Variants in NOS1AP observed in about 807,000 individuals in gnomAD.
NOS1AP encodes carboxyl-terminal PDZ ligand of neuronal nitric oxide synthase protein.
A neutral mutation model predicts 56.2 loss-of-function variants in NOS1AP; 21 were observed. That is an observed-to-expected ratio of 0.37 (90% confidence interval 0.26 to 0.54). The LOEUF is 0.54. Ranked by LOEUF, NOS1AP falls within the 20% of genes least tolerant of loss-of-function variation. NOS1AP has a pLI of 0.84. For missense variants in NOS1AP, 522 were observed against 657.8 expected (o/e 0.79, Z 2.26); for synonymous variants, 270 against 274.6 (o/e 0.98, Z 0.17).
At chr1:162,355,971 A>T (rs1483964033) in intron 7 of NOS1AP, among the ~76,000 whole-genome samples, 1 of 152,194 alleles carries the variant, frequency 6.6e-6, no homozygotes, top group African/African-American at 2.4e-5. Context: ...AAAGCTAATT[A>T]AAAATGTTTT....
intron 4 of NOS1AP, among the ~76,000 whole-genome samples, chr1:162,301,050 A>C (rs1655635931): frequency 6.6e-6 from 1 of 152,226 alleles, no homozygotes; most frequent in African/African-American, 2.4e-5. Context: ...GGATTATTCC[A>C]TCACCCTATG....
chr1:162,341,213 G>A (rs1657096400), intron 5 of NOS1AP, among the ~76,000 whole-genome samples: 1 of 152,174 alleles, frequency 6.6e-6, no homozygotes, highest in Non-Finnish European at 1.5e-5. Context: ...CTGGTTAAAG[G>A]AAGTATCTGT....
chr1:162,356,950 TCTC>T lies in NOS1AP; in HGVS notation c.763-5_763-3del. 6.2e-7 allele frequency: 1 copy of T among 1,614,008 alleles called. No individual in the cohort carries two copies. ...CACATGTCATGTCCTGTCTTCTCCT[TCTC>T]CTCCAGGTTTCGCACCCCCAGGAGC... On this transcript the variant is annotated splice_region_variant and splice_polypyrimidine_tract_variant and intron_variant, in intron 7 of 9. Coordinates refer to ENST00000361897, the MANE Select transcript of NOS1AP (RefSeq NM_014697.3).
intron 1 of NOS1AP, among the ~76,000 whole-genome samples, chr1:162,118,344 A>G (rs561690967): frequency 3.9e-5 from 6 of 152,192 alleles, no homozygotes; most frequent in Non-Finnish European, 8.8e-5. Flanking sequence ...TATAAGCGAG[A>G]ACATGTAGTA....
chr1:162,324,616 T>C (rs1407327150), intron 4 of NOS1AP, among the ~76,000 whole-genome samples: 1 of 152,162 alleles, frequency 6.6e-6, no homozygotes, highest in East Asian at 1.9e-4. Context: ...ACTGCTGATG[T>C]AGGCCATGAG....
At chr1:162,221,514 A>G (rs1652770403) in intron 2 of NOS1AP, among the ~76,000 whole-genome samples, 1 of 117,166 alleles carries the variant, frequency 8.5e-6, no homozygotes, top group Admixed American at 1.0e-4. Flanking sequence ...AATGCAACAC[A>G]CACACGCACA....
intron 3 of NOS1AP, among the ~76,000 whole-genome samples, chr1:162,291,427 A>C (rs1655278157): frequency 6.6e-6 from 1 of 152,070 alleles, no homozygotes. Flanking sequence ...AATGAAGTCT[A>C]GTTTGTTACC....
chr1:162,220,965 C>G (rs900166203), intron 2 of NOS1AP, among the ~76,000 whole-genome samples: 11 of 152,094 alleles, frequency 7.2e-5, no homozygotes, highest in Admixed American at 2.6e-4. Flanking sequence ...TTTTTTGAGA[C>G]AGAGTCTCAC....
chr1:162,251,869 G>GTTTTTTTTTTTTTTTTTTT (rs57313228), intron 2 of NOS1AP, among the ~76,000 whole-genome samples: 11 of 82,124 alleles, frequency 1.3e-4, no homozygotes, highest in Non-Finnish European at 1.9e-4. Flanking sequence ...TTTTTTTTTT[G>GTTTTTTTTTTTTTTTTTTT]TTTTTTTTTT....
intron 1 of NOS1AP, among the ~76,000 whole-genome samples, chr1:162,083,291 C>T (rs942154831): frequency 3.9e-4 from 59 of 152,148 alleles, no homozygotes; most frequent in Admixed American, 4.6e-4. Context: ...TTTTATTGTT[C>T]TGCGGAGAGG....
intron 6 of NOS1AP, among the ~76,000 whole-genome samples, chr1:162,352,130 G>A (rs903435302): frequency 6.6e-6 from 1 of 151,904 alleles, no homozygotes; most frequent in Non-Finnish European, 1.5e-5. Context: ...CATGATCTCA[G>A]CTGACTGCAA....
At chr1:162,298,829 AG>A (rs1571201313) in intron 3 of NOS1AP, among the ~76,000 whole-genome samples, 2 of 152,250 alleles carry the variant, frequency 1.3e-5, no homozygotes, top group Admixed American at 1.3e-4. Context: ...ATGAAAAAGC[AG>A]AGTGTCAGCA....
At chr1:162,116,566 A>G (rs1647962342) in intron 1 of NOS1AP, among the ~76,000 whole-genome samples, 1 of 152,202 alleles carries the variant, frequency 6.6e-6, no homozygotes, top group Admixed American at 6.5e-5. Flanking sequence ...GTAGTTAAAT[A>G]TGATAGATTC....
At chr1:162,193,542 G>A (rs748662803) in intron 2 of NOS1AP, among the ~76,000 whole-genome samples, 2 of 152,296 alleles carry the variant, frequency 1.3e-5, no homozygotes, top group East Asian at 1.9e-4. Flanking sequence ...AATTTGTGCT[G>A]ATGGATTATT....
chr1:162,221,331 TTTTC>T (rs1391091270), intron 2 of NOS1AP, among the ~76,000 whole-genome samples: 1 of 152,174 alleles, frequency 6.6e-6, no homozygotes, highest in Non-Finnish European at 1.5e-5. Flanking sequence ...GGCTTGCTGA[TTTTC>T]TTTCTATCTT....
chr1:162,311,247 G>T (rs1252253544), intron 4 of NOS1AP, among the ~76,000 whole-genome samples: 2 of 152,076 alleles, frequency 1.3e-5, no homozygotes, highest in Non-Finnish European at 2.9e-5. Context: ...GTGTTGCCCT[G>T]CAGTATCATC....
At chr1:162,153,159 C>G (rs1649788638) in intron 1 of NOS1AP, among the ~76,000 whole-genome samples, 1 of 152,200 alleles carries the variant, frequency 6.6e-6, no homozygotes, top group South Asian at 2.1e-4. Context: ...AACAGAGCCT[C>G]AGTCCATCAC....
intron 1 of NOS1AP, among the ~76,000 whole-genome samples, chr1:162,087,721 T>G (rs574979005): frequency 1.3e-5 from 2 of 152,290 alleles, no homozygotes; most frequent in African/African-American, 4.8e-5. Context: ...CACATCCCAA[T>G]TACTTAATGC....
intron 1 of NOS1AP, among the ~76,000 whole-genome samples, chr1:162,139,105 A>T (rs1649123049): frequency 6.6e-6 from 1 of 152,054 alleles, no homozygotes; most frequent in South Asian, 2.1e-4. Context: ...GGCTTGGGGC[A>T]TGTTGTATTT....
Sources: gnomAD v4.1 joint callset for allele counts (sites outside exome capture counted in the v4.1 genomes callset) on GRCh38, gnomAD v4.1.1 for gene constraint, MANE v1.5 for transcripts, NCBI Gene and HGNC (gene_info 2026-07-23, HGNC 2026-07-21) for gene names.